The following BACH1 variants were observed in gnomAD, a reference collection of about 807,000 sequenced individuals.
The protein encoded by BACH1 is BTB domain and CNC homolog 1, also known as transcription regulator protein BACH1.
In BACH1, 35 loss-of-function variants were observed where a neutral mutation model predicts 52.9. The ratio of observed to expected loss-of-function variants is 0.66; its 90% confidence interval spans 0.51 to 0.88. The LOEUF is 0.88. Ranked by LOEUF, BACH1 falls within the 40% of genes least tolerant of loss-of-function variation. The probability of loss-of-function intolerance (pLI) is 0.00; values close to 1 mark genes in which losing one functional copy is unlikely to be tolerated. For missense variants in BACH1, 808 were observed against 872.6 expected (o/e 0.93, Z 0.93); for synonymous variants, 321 against 319.6 (o/e 1.00, Z -0.05).
chr21:29,316,752 T>C (rs545952960), intron 1 of BACH1, among the ~76,000 whole-genome samples: 116 of 152,330 alleles, frequency 7.6e-4, no homozygotes, highest in Non-Finnish European at 9.4e-4. Flanking sequence ...TTTTCATGAC[T>C]GTAGGTCATA....
chr21:29,348,193 C>T (rs1004422633), downstream of BACH1, among the ~76,000 whole-genome samples: 1 of 152,188 alleles, frequency 6.6e-6, no homozygotes, highest in African/African-American at 2.4e-5. Context: ...AGTTGAGATT[C>T]TTTCAAGAGG....
chr21:29,305,670 T>C (rs1226848383), intron 1 of BACH1, among the ~76,000 whole-genome samples: 5 of 152,332 alleles, frequency 3.3e-5, no homozygotes, highest in African/African-American at 1.2e-4. Context: ...GGAAAAACTG[T>C]GTTTTTAAGT....
At chr21:29,305,515 A>G (rs916874119) in intron 1 of BACH1, among the ~76,000 whole-genome samples, 1 of 152,146 alleles carries the variant, frequency 6.6e-6, no homozygotes, top group Non-Finnish European at 1.5e-5. Context: ...TTCTTTGAGC[A>G]GGTTGGCAAC....
At chr21:29,300,999 C>T (rs776448625) in intron 1 of BACH1, among the ~76,000 whole-genome samples, 1 of 152,068 alleles carries the variant, frequency 6.6e-6, no homozygotes, top group African/African-American at 2.4e-5. Flanking sequence ...AGCACACAAC[C>T]CAAATATTTA....
intron 4 of BACH1, among the ~76,000 whole-genome samples, chr21:29,331,429 A>G (rs563090651): frequency 4.6e-5 from 7 of 152,358 alleles, no homozygotes; most frequent in Non-Finnish European, 1.0e-4. Context: ...TTATAAATGG[A>G]TACTAAGCAA....
chr21:29,306,881 A>T (rs964196150), intron 1 of BACH1, among the ~76,000 whole-genome samples: 3 of 152,234 alleles, frequency 2.0e-5, no homozygotes, highest in African/African-American at 7.2e-5. Context: ...TGAAAATGCC[A>T]ATTTTGTCAA....
chr21:29,321,659 TTTAG>T, intron 2 of BACH1, 145 bp downstream of exon 2: 2 of 674,562 alleles, frequency 3.0e-6, no homozygotes, highest in Non-Finnish European at 2.4e-6. Flanking sequence ...TTTTTTTTTT[TTTAG>T]TTTTTTTAAT....
In BACH1 at chr21:29,342,840, A is replaced by G. The variant is rs1569022990; in HGVS notation, c.*7A>G. 1.3e-6 allele frequency: 2 copies of G among 1,568,156 alleles called. No individual in the cohort carries two copies. Among genetic ancestry groups the G allele is most frequent in the Admixed American group, 3.7e-5 (2 of 53,676 alleles). On this transcript the variant is annotated 3_prime_UTR_variant, in exon 5 of 5. Coordinates refer to ENST00000286800, the MANE Select transcript of BACH1 (RefSeq NM_001186.4). ...ATGTACTACTGATGAGTAAACTTGC[A>G]TTCACTTCCTTCAAACCATCTAATT... is the stretch of plus-strand genomic sequence containing the variant.
intron 2 of BACH1, chr21:29,359,308 C>A (rs2089257301): frequency 6.6e-6 from 1 of 150,484 alleles, no homozygotes; most frequent in African/African-American, 2.5e-5. Flanking sequence ...GAGTTTTTAG[C>A]TAACAAAATG....
At chr21:29,327,508 A>C in intron 3 of BACH1, 115 bp downstream of exon 3, 1 of 1,364,190 alleles carries the variant, frequency 7.3e-7, no homozygotes, top group Middle Eastern at 2.1e-4. Context: ...AGTGGGGAGG[A>C]AACTCATACA....
At chr21:29,348,973 A>G (rs2089187183), downstream of BACH1, among the ~76,000 whole-genome samples, 1 of 152,074 alleles carries the variant, frequency 6.6e-6, no homozygotes, top group South Asian at 2.1e-4. Context: ...AGGTGCCTGT[A>G]GTCCCAGCTA....
intron 4 of BACH1, among the ~76,000 whole-genome samples, chr21:29,332,025 C>T (rs576607035): frequency 8.5e-5 from 13 of 152,178 alleles, no homozygotes; most frequent in East Asian, 1.9e-4. Flanking sequence ...CTCTGTCTCC[C>T]GGGTTCAAGC....
intron 2 of BACH1, among the ~76,000 whole-genome samples, chr21:29,353,356 G>T (rs1353854850): frequency 6.6e-6 from 1 of 152,066 alleles, no homozygotes; most frequent in East Asian, 1.9e-4. Context: ...AAGGCCCCAT[G>T]ACACAGCTAG....
At chr21:29,336,923 C>T (rs939758888) in intron 4 of BACH1, among the ~76,000 whole-genome samples, 1 of 152,184 alleles carries the variant, frequency 6.6e-6, no homozygotes, top group Admixed American at 6.5e-5. Flanking sequence ...CTGCTTTCCT[C>T]AGCCTCCCAA....
rs142108854 is a variant in BACH1 at position 29,314,874 on chromosome 21, A to C, written c.-60-6347A>C. ...GTGACTATCAAATACAGATGTTTAA[A>C]CAGTTATGATATTTAAGCCTGTAAA... On this transcript the variant is annotated intron_variant, in intron 1 of 4. Coordinates refer to ENST00000286800, the MANE Select transcript of BACH1 (RefSeq NM_001186.4). Among the ~76,000 whole-genome samples, 14 of 152,304 alleles carry C rather than the reference A, an allele frequency of 9.2e-5. No homozygotes were observed. In the East Asian group the frequency reaches 2.5e-3, roughly 27 times the overall value.
chr21:29,355,775 C>G (rs1408359418), intron 2 of BACH1, among the ~76,000 whole-genome samples: 1 of 152,178 alleles, frequency 6.6e-6, no homozygotes, highest in Non-Finnish European at 1.5e-5. Context: ...AGATGGCTGC[C>G]ACAGGACCTA....
intron 4 of BACH1, among the ~76,000 whole-genome samples, chr21:29,330,837 A>G (rs2088972622): frequency 6.6e-6 from 1 of 151,934 alleles, no homozygotes; most frequent in South Asian, 2.1e-4. Context: ...TTATTTATAT[A>G]TTGTACATAT....
chr21:29,310,842 G>A (rs183918245), intron 1 of BACH1, among the ~76,000 whole-genome samples: 203 of 152,336 alleles, frequency 1.3e-3, no homozygotes, highest in Admixed American at 2.9e-3. Context: ...AAATGAAATT[G>A]GGAAGAGAGG....
In BACH1 at chr21:29,318,276, G is replaced by T. The variant is rs887327400; in HGVS notation, c.-60-2945G>T. On this transcript the variant is annotated intron_variant, in intron 1 of 4. Transcript: ENST00000286800. ...CTTGGATTAGAGTTGTGCTGATGCC[G>T]ATGGAGAGAGGTGGACCCCAGTGCT... is the stretch of plus-strand genomic sequence containing the variant. 3.3e-5 allele frequency among the ~76,000 whole-genome samples: 5 copies of T among 152,338 alleles called. No individual in the cohort carries two copies. In the South Asian group the frequency reaches 1.0e-3, roughly 32 times the overall value.
Sources: allele counts gnomAD v4.1 joint callset (sites outside exome capture counted in the v4.1 genomes callset), GRCh38; gene constraint gnomAD v4.1.1; transcripts MANE v1.5; gene names NCBI Gene and HGNC (gene_info 2026-07-23, HGNC 2026-07-21).